The following BEND7 variants were observed in gnomAD, a reference collection of about 807,000 sequenced individuals.
BEND7 encodes the protein BEN domain containing 7.
In BEND7, 28 loss-of-function variants were observed where a neutral mutation model predicts 50.9. That is an observed-to-expected ratio of 0.55 (90% confidence interval 0.41 to 0.75). The LOEUF is 0.75. BEND7 is among the 30% of genes least tolerant of loss of function. BEND7 has a pLI of 0.00. For missense variants in BEND7, 477 were observed against 491.3 expected, an observed-to-expected ratio of 0.97 and a Z score of 0.28; for synonymous variants, 170 against 183.9, an observed-to-expected ratio of 0.92 and a Z score of 0.61.
intron 6 of BEND7, among the ~76,000 whole-genome samples, chr10:13,454,080 C>A (rs1259620128): frequency 6.6e-6 from 1 of 152,130 alleles, no homozygotes; most frequent in Non-Finnish European, 1.5e-5. Flanking sequence ...GAAGCTACTG[C>A]GAAAGCCGGA....
At chr10:13,494,327 G>C (rs1225890341) in intron 4 of BEND7, among the ~76,000 whole-genome samples, 1 of 152,200 alleles carries the variant, frequency 6.6e-6, no homozygotes, top group African/African-American at 2.4e-5. Context: ...TGAGGCAGGA[G>C]AATCACTTGA....
chr10:13,518,370 G>C (rs1435979512), intron 2 of BEND7, among the ~76,000 whole-genome samples: 1 of 152,242 alleles, frequency 6.6e-6, no homozygotes, highest in Non-Finnish European at 1.5e-5. Context: ...TGTGTGCAGG[G>C]GCCCAACTCC....
At chr10:13,509,285 T>G (rs1314750432) in intron 2 of BEND7, among the ~76,000 whole-genome samples, 2 of 152,210 alleles carry the variant, frequency 1.3e-5, no homozygotes, top group Non-Finnish European at 2.9e-5. Context: ...TATACTCTCT[T>G]TGTTTTTGCA....
intron 3 of BEND7, among the ~76,000 whole-genome samples, chr10:13,498,219 G>A (rs895797441): frequency 1.3e-5 from 2 of 151,804 alleles, no homozygotes; most frequent in Admixed American, 6.6e-5. Context: ...GGGACTACAT[G>A]CATGCGCTAC....
intron 5 of BEND7, among the ~76,000 whole-genome samples, chr10:13,488,086 C>CAA (rs753018197): frequency 1.8e-4 from 12 of 68,478 alleles, no homozygotes; most frequent in South Asian, 4.8e-4. Flanking sequence ...GTCTCAATTA[C>CAA]AAAAAAAAAA....
intron 6 of BEND7, among the ~76,000 whole-genome samples, chr10:13,473,045 AG>A (rs1442264256): frequency 6.6e-6 from 1 of 151,578 alleles, no homozygotes; most frequent in Admixed American, 6.6e-5. Flanking sequence ...TGTTAGACTC[AG>A]GCTGATATCC....
At chr10:13,500,360 C>G (rs2077352261) in intron 2 of BEND7, 1 of 484,062 alleles carries the variant, frequency 2.1e-6, no homozygotes, top group Non-Finnish European at 3.1e-6. Context: ...ATGACATTCC[C>G]TCTTTGGAAG....
chr10:13,505,900 C>T (rs761943110), intron 2 of BEND7, among the ~76,000 whole-genome samples: 1 of 152,094 alleles, frequency 6.6e-6, no homozygotes, highest in Non-Finnish European at 1.5e-5. Flanking sequence ...AAAAACCCTG[C>T]TTATCAAAAA....
downstream of BEND7, chr10:13,439,122 T>G (rs760710491): frequency 6.8e-7 from 1 of 1,473,256 alleles, no homozygotes; most frequent in Admixed American, 2.0e-5. Context: ...AGGCTCAGAT[T>G]CCAGTGGAAA....
chr10:13,517,818 C>T (rs536719410), intron 2 of BEND7, among the ~76,000 whole-genome samples: 25 of 152,316 alleles, frequency 1.6e-4, no homozygotes, highest in African/African-American at 5.8e-4. Flanking sequence ...CGAAAGGCAC[C>T]GTGTGGATCG....
At chr10:13,484,081 C>T (rs1259149393) in intron 5 of BEND7, among the ~76,000 whole-genome samples, 1 of 152,218 alleles carries the variant, frequency 6.6e-6, no homozygotes, top group Non-Finnish European at 1.5e-5. Context: ...GGAACATGAA[C>T]TCACCCCTTT....
intron 6 of BEND7, among the ~76,000 whole-genome samples, chr10:13,469,410 T>C (rs1216914971): frequency 6.6e-6 from 1 of 152,198 alleles, no homozygotes; most frequent in Non-Finnish European, 1.5e-5. Context: ...GCTTTGCTCT[T>C]ATACAAAAAT....
chr10:13,449,833 T>C (rs1837305418), intron 7 of BEND7, among the ~76,000 whole-genome samples: 1 of 152,218 alleles, frequency 6.6e-6, no homozygotes, highest in Non-Finnish European at 1.5e-5. Context: ...GCTGCATGAA[T>C]AGGGGCTGAG....
chr10:13,526,197 A>G lies in BEND7; in HGVS notation c.86T>C (p.Ile29Thr), dbSNP rs1451554419. The change falls in exon 2 of 9, where the codon ATC (isoleucine) becomes ACC (threonine). Residue 29 changes from isoleucine (I) to threonine (T), a missense_variant. This residue lies in a region of BEND7 where 396 missense variants were observed against 384.2 expected (regional missense o/e 1.03). Coordinates refer to ENST00000466271, the MANE Select transcript of BEND7 (RefSeq NM_001369863.1). The part of the protein sequence containing the change: ...SRDYHHEVYK[I>T]PEFSNDVNGE... ...ATTAACATCGTTGCTGAATTCTGGG[A>G]TCTTATACACCTCGTGGTGATAATC... 1.6e-6 allele frequency: 2 copies of G among 1,289,420 alleles called. No individual in the cohort carries two copies. Among genetic ancestry groups the G allele is most frequent in the Admixed American group, 4.6e-5 (2 of 43,512 alleles). 79.9% of individuals were successfully genotyped at this position (1,289,420 alleles called of 1,614,324 possible).
intron 5 of BEND7, among the ~76,000 whole-genome samples, chr10:13,484,911 A>C (rs2076112282): frequency 6.6e-6 from 1 of 152,166 alleles, no homozygotes; most frequent in African/African-American, 2.4e-5. Context: ...GAAGTTCTGG[A>C]GGCAAACACT....
intron 6 of BEND7, among the ~76,000 whole-genome samples, chr10:13,465,432 C>T (rs10906378): frequency 0.55 from 83,164 of 151,904 alleles, 23,291 homozygotes; most frequent in East Asian, 0.75. Context: ...GTCAGTCGTA[C>T]AAGACACAAA....
downstream of BEND7, among the ~76,000 whole-genome samples, chr10:13,440,031 T>C (rs11258384): frequency 0.31 from 47,779 of 152,034 alleles, 8,938 homozygotes; most frequent in East Asian, 0.67. Context: ...TGCTGGGAAA[T>C]GAGCCAGCTG....
intron 5 of BEND7, among the ~76,000 whole-genome samples, chr10:13,482,765 C>T (rs2075957954): frequency 6.6e-6 from 1 of 152,328 alleles, no homozygotes; most frequent in Non-Finnish European, 1.5e-5. Context: ...TTAACTTCTG[C>T]ATCTTGCTGC....
At chr10:13,440,730 C>T (rs904045357), downstream of BEND7, among the ~76,000 whole-genome samples, 2 of 152,236 alleles carry the variant, frequency 1.3e-5, no homozygotes. Context: ...TTGATTTGTC[C>T]GTCTGATGTG....
Sources: allele counts gnomAD v4.1 joint callset (sites outside exome capture counted in the v4.1 genomes callset), GRCh38; gene constraint gnomAD v4.1.1; regional missense constraint gnomAD v4.1.1; transcripts MANE v1.5; gene names NCBI Gene and HGNC (gene_info 2026-07-23, HGNC 2026-07-21).